Variants in TRPV4 observed in about 807,000 individuals in gnomAD.
TRPV4 encodes the protein OSM9-like transient receptor potential channel 4.
Under a neutral mutation model 84.1 loss-of-function variants are expected in TRPV4, and 58 were observed. That is an observed-to-expected ratio of 0.69 (90% CI 0.56 to 0.86). The LOEUF (loss-of-function observed/expected upper bound fraction) is 0.86, where lower values mean the gene tolerates loss of function less well. TRPV4 is among the 40% of genes least tolerant of loss of function. TRPV4 has a pLI of 0.00. For synonymous variants in TRPV4, 489 were observed against 500.9 expected, an observed-to-expected ratio of 0.98 and a Z score of 0.32; for missense variants, 879 against 1,181.1, an observed-to-expected ratio of 0.74 and a Z score of 3.75.
intron 1 of TRPV4, among the ~76,000 whole-genome samples, chr12:109,826,526 G>C (rs1892256083): frequency 6.6e-6 from 1 of 152,242 alleles, no homozygotes; most frequent in African/African-American, 2.4e-5. Context: ...ACAAACTGAA[G>C]ATCAGAAAGA....
intron 12 of TRPV4, among the ~76,000 whole-genome samples, 192 bp from the exon 13 acceptor site, chr12:109,788,908 T>C (rs1362610936): frequency 6.6e-6 from 1 of 152,168 alleles, no homozygotes; most frequent in Non-Finnish European, 1.5e-5. Context: ...CCCAAAACCT[T>C]TGAAGCCTTT....
At chr12:109,824,047 C>T (rs1057090207) in intron 1 of TRPV4, among the ~76,000 whole-genome samples, 1 of 151,968 alleles carries the variant, frequency 6.6e-6, no homozygotes, top group Non-Finnish European at 1.5e-5. Flanking sequence ...CTCACTGCAA[C>T]CTCCGTCTCC....
In TRPV4 at chr12:109,814,574, A is replaced by G; in HGVS notation, c.223T>C (p.Phe75Leu). The change falls in exon 2 of 16, where the codon TTC (phenylalanine) becomes CTC (leucine). Residue 75 changes from phenylalanine (F) to leucine (L), a missense_variant. Physicochemically the swap from Phe to Leu is conservative, Grantham distance 22. This residue lies in a region of TRPV4 where 521 missense variants were observed against 686.6 expected (regional missense o/e 0.76). Coordinates refer to ENST00000261740, the MANE Select transcript of TRPV4 (RefSeq NM_021625.5). This position sits in a 1 kb window ranked among gnomAD's most constrained non-coding sequence, Gnocchi z 5.4. ...ATGGGGTTGGGCACCCCCTTGCGGA[A>G]GGCGCCCTGGAACTTCATGCGCAGA... Reference protein sequence around the residue: ...PNLRMKFQGAFRKGVPNPIDL... With the variant: ...PNLRMKFQGALRKGVPNPIDL... The G allele has an allele frequency of 1.2e-6, 2 of 1,614,078 alleles. No homozygotes were observed. The highest frequency in any genetic ancestry group is 1.7e-6 in the Non-Finnish European group (2 of 1,179,992).
At chr12:109,788,348 C>T (rs942467564) in intron 13 of TRPV4, 52 bp downstream of exon 13, 66 of 1,570,264 alleles carry the variant, frequency 4.2e-5, no homozygotes, top group Middle Eastern at 1.9e-4. Flanking sequence ...TGGGTCTCCT[C>T]GGAAGGACGA....
chr12:109,818,434 G>A (rs1055338287), intron 1 of TRPV4, among the ~76,000 whole-genome samples: 1 of 151,798 alleles, frequency 6.6e-6, no homozygotes, highest in Non-Finnish European at 1.5e-5. Flanking sequence ...TTTTACAGAT[G>A]AGGAAACTGA....
At chr12:109,827,818 A>G (rs977007516) in intron 1 of TRPV4, among the ~76,000 whole-genome samples, 2 of 151,760 alleles carry the variant, frequency 1.3e-5, no homozygotes, top group African/African-American at 4.9e-5. Context: ...ATATACACAC[A>G]TACACATATA....
chr12:109,831,641 G>A (rs1892412199), intron 1 of TRPV4, among the ~76,000 whole-genome samples: 1 of 152,206 alleles, frequency 6.6e-6, no homozygotes, highest in Non-Finnish European at 1.5e-5. Flanking sequence ...AAGGCAGGAG[G>A]AACCTCCACA....
chr12:109,793,561 A>C lies in TRPV4; in HGVS notation c.1624T>G (p.Ser542Ala). Reference sequence around the variant, plus strand: ...TGGAAGGAGCCATCAATGAAGAGAGAATTCACTCCAGGGCATTTCTTCATG... The same window carrying C: ...TGGAAGGAGCCATCAATGAAGAGAGCATTCACTCCAGGGCATTTCTTCATG... ...LFMKKCPGVN[S>A]LFIDGSFQLL... The change falls in exon 10 of 16, where the codon TCT becomes GCT. Residue 542 changes from serine (S) to alanine (A), a missense_variant. Transcript: ENST00000261740. This position sits in a 1 kb window ranked among gnomAD's most constrained non-coding sequence, Gnocchi z 4.0. 6.2e-7 allele frequency: 1 copy of C among 1,614,012 alleles called. No homozygotes were observed. The highest frequency in any genetic ancestry group is 8.5e-7 in the Non-Finnish European group (1 of 1,179,992).
chr12:109,807,310 T>C (rs1032353588), intron 3 of TRPV4, among the ~76,000 whole-genome samples: 1 of 149,304 alleles, frequency 6.7e-6, no homozygotes, highest in Non-Finnish European at 1.5e-5. Context: ...CTGACATCCC[T>C]GAAGCCTCCT....
chr12:109,794,199 C>T (rs1314492084), intron 8 of TRPV4, 130 bp downstream of exon 8: 2 of 1,309,870 alleles, frequency 1.5e-6, no homozygotes, highest in Non-Finnish European at 2.1e-6. Context: ...TGGAGGGCGC[C>T]TCCCCAACCT....
At chr12:109,803,440 T>G (rs1890936478) in intron 3 of TRPV4, among the ~76,000 whole-genome samples, 1 of 152,150 alleles carries the variant, frequency 6.6e-6, no homozygotes, top group Non-Finnish European at 1.5e-5. Context: ...TTTGTATTTA[T>G]TTTTATTTAT....
chr12:109,819,059 GTACACA>G (rs1487954658), intron 1 of TRPV4, among the ~76,000 whole-genome samples: 1 of 151,716 alleles, frequency 6.6e-6, no homozygotes, highest in Non-Finnish European at 1.5e-5. Context: ...TAGCTCACGT[GTACACA>G]TACACATAGG....
At chr12:109,790,196 A>G (rs753323166) in intron 12 of TRPV4, among the ~76,000 whole-genome samples, 1 of 152,172 alleles carries the variant, frequency 6.6e-6, no homozygotes. Flanking sequence ...AGACTTGGCC[A>G]CTATCGTGGG....
rs1297222866 is a variant in TRPV4, at chr12:109,814,251, A to G, written c.386+160T>C. Among the ~76,000 whole-genome samples the G allele has an allele frequency of 1.3e-5, 2 of 151,466 alleles. No homozygotes were observed. Among genetic ancestry groups the G allele is most frequent in the East Asian group, 3.9e-4 (2 of 5,122 alleles). On this transcript the variant is annotated intron_variant, in intron 2 of 15. Coordinates refer to ENST00000261740, the MANE Select transcript of TRPV4 (RefSeq NM_021625.5). The surrounding 1 kb of genome is among the most constrained non-coding windows in gnomAD (Gnocchi z 5.4). ...ATGGACGGATGATATATGGATAGGG[A>G]GATGAATAGATGGATGGATAGATGT...
chr12:109,792,090 T>A (rs1307588127), intron 12 of TRPV4, among the ~76,000 whole-genome samples: 5 of 140,240 alleles, frequency 3.6e-5, no homozygotes, highest in South Asian at 2.3e-4. Flanking sequence ...AAAAAAAAAA[T>A]TAAAAAATAG....
Position 109,786,765 on chromosome 12 carries a change from T to C in TRPV4, c.2281A>G (p.Met761Val). The change falls in exon 14 of 16, where the codon ATG becomes GTG. Residue 761 changes from methionine (M) to valine (V), a missense_variant. Met to Val is a conservative substitution (Grantham distance 21). Coordinates refer to ENST00000261740, the MANE Select transcript of TRPV4 (RefSeq NM_021625.5). This position sits in a 1 kb window ranked among gnomAD's most constrained non-coding sequence, Gnocchi z 4.5. The part of the protein sequence containing the change: ...FLRKAFRSGE[M>V]VTVGKSSDGT... ...TCCGAGCTCTTGCCCACGGTGACCATCTCCCCAGAGCGGAAGGCCTTCCTC... is the reference window on the plus strand; with the variant it reads ...TCCGAGCTCTTGCCCACGGTGACCACCTCCCCAGAGCGGAAGGCCTTCCTC... The C allele has an allele frequency of 6.2e-7, 1 of 1,613,816 alleles. No individual in the cohort carries two copies. Among genetic ancestry groups the C allele is most frequent in the Non-Finnish European group, 8.5e-7 (1 of 1,179,990 alleles).
At chr12:109,820,895 T>C (rs1031007145) in intron 1 of TRPV4, among the ~76,000 whole-genome samples, 2 of 152,280 alleles carry the variant, frequency 1.3e-5, no homozygotes, top group East Asian at 1.9e-4. Flanking sequence ...GTGCCTGGCA[T>C]AAAGAAAGCC....
Position 109,815,007 on chromosome 12 carries a change from G to A in TRPV4, c.-31-180C>T. On this transcript the variant is annotated intron_variant, in intron 1 of 15. Transcript: ENST00000261740. The surrounding 1 kb of genome is among the most constrained non-coding windows in gnomAD (Gnocchi z 4.1). ...TGGCCGCCAGCCTCAGGCGGGAACT[G>A]CAACAGGAGCCTCTTTCACGAACCT... The A allele has an allele frequency of 1.6e-6, 1 of 613,156 alleles. No homozygotes were observed. The highest frequency in any genetic ancestry group is 2.9e-6 in the Non-Finnish European group (1 of 349,520). 38.0% of individuals were successfully genotyped at this position (613,156 alleles called of 1,614,324 possible). A position where few individuals can be genotyped will look rare whatever the true frequency, so the allele number is the denominator to read the frequency against.
At chr12:109,806,457 A>T (rs1207689812) in intron 3 of TRPV4, among the ~76,000 whole-genome samples, 1 of 148,494 alleles carries the variant, frequency 6.7e-6, no homozygotes, top group East Asian at 2.0e-4. Context: ...CACCCGCCTC[A>T]GCCTCCCAAA....
Sources: gnomAD v4.1 joint callset for allele counts (sites outside exome capture counted in the v4.1 genomes callset) on GRCh38, gnomAD v4.1.1 for gene constraint, gnomAD v4.1.1 regional missense constraint, Gnocchi (gnomAD v3.1) non-coding constraint, MANE v1.5 for transcripts, NCBI Gene and HGNC (gene_info 2026-07-23, HGNC 2026-07-21) for gene names.